The following CNTNAP3B variants were observed in gnomAD, a reference collection of about 807,000 sequenced individuals.
The protein encoded by CNTNAP3B is contactin associated protein family member 3B.
A neutral mutation model predicts 108.9 loss-of-function variants in CNTNAP3B; 25 were observed. The observed-to-expected ratio is 0.23, with a 90% CI of 0.17 to 0.32. The LOEUF is 0.32. Among genes scored for constraint, CNTNAP3B ranks in the 10% least tolerant of loss-of-function variants. The pLI is 1.00. For missense variants in CNTNAP3B, 252 were observed against 1,210.4 expected (o/e 0.21, Z 11.75); for synonymous variants, 103 against 473.4 (o/e 0.22, Z 10.16).
chr9:42,081,020 T>C (rs1319541887), intron 2 of CNTNAP3B, among the ~76,000 whole-genome samples: 59 of 81,200 alleles, frequency 7.3e-4, no homozygotes, highest in Non-Finnish European at 8.6e-4. Flanking sequence ...TCTTCTCCAC[T>C]TCACCCTCCT....
chr9:41,919,121 G>C (rs1464598949), intron 18 of CNTNAP3B, among the ~76,000 whole-genome samples: 1 of 152,148 alleles, frequency 6.6e-6, no homozygotes, highest in Non-Finnish European at 1.5e-5. Context: ...ACTAAAATCA[G>C]TCCCTTTTTC....
intron 2 of CNTNAP3B, among the ~76,000 whole-genome samples, chr9:42,096,460 G>T (rs192738929): frequency 7.2e-6 from 1 of 138,728 alleles, no homozygotes; most frequent in Non-Finnish European, 1.5e-5. Context: ...TTAATGTCTT[G>T]GTTCACAGTC....
chr9:42,121,039 G>A (rs529218588), intron 1 of CNTNAP3B, among the ~76,000 whole-genome samples: 2 of 138,782 alleles, frequency 1.4e-5, no homozygotes, highest in Admixed American at 7.1e-5. Flanking sequence ...TGGCCTCTGC[G>A]ATGCCTGCAG....
intron 3 of CNTNAP3B, among the ~76,000 whole-genome samples, chr9:42,066,249 C>T (rs1257327097): frequency 1.5e-5 from 2 of 133,786 alleles, no homozygotes; most frequent in Non-Finnish European, 3.2e-5. Flanking sequence ...TCCCATGTAG[C>T]TTGTACATTT....
intron 13 of CNTNAP3B, among the ~76,000 whole-genome samples, chr9:41,952,098 A>G (rs1824706366): frequency 6.6e-6 from 1 of 152,278 alleles, no homozygotes; most frequent in African/African-American, 2.4e-5. Context: ...GGTCTGGCAT[A>G]TTCCAGGGGC....
chr9:42,099,723 A>G lies in CNTNAP3B; in HGVS notation c.196+4906T>C, dbSNP rs1231628481. Among the ~76,000 whole-genome samples, 4 of 110,934 alleles carry G rather than the reference A, an allele frequency of 3.6e-5. 1 individual carries two copies. Among genetic ancestry groups the G allele is most frequent in the African/African-American group, 1.1e-4 (3 of 27,346 alleles). 72.8% of individuals were successfully genotyped at this position (110,934 alleles called of 152,430 possible). On this transcript the variant is annotated intron_variant, in intron 2 of 23. Transcript: ENST00000377561. ...GTTAGTTATTGTACATTCATTTTGC[A>G]ACTTTAAAAAGGAGCAATTGCAGAG...
intron 1 of CNTNAP3B, among the ~76,000 whole-genome samples, chr9:42,108,787 A>G (rs1238531242): frequency 1.4e-5 from 2 of 140,048 alleles, no homozygotes; most frequent in Non-Finnish European, 3.1e-5. Context: ...CCTGCCTGGC[A>G]TCACTCTTAG....
intron 12 of CNTNAP3B, among the ~76,000 whole-genome samples, chr9:41,956,037 T>C (rs146685076): frequency 0.029 from 4,430 of 151,762 alleles, 66 homozygotes; most frequent in African/African-American, 0.1. Flanking sequence ...TAATAAAGTG[T>C]TGAATATCTC....
chr9:41,967,846 A>C (rs1245117760), intron 10 of CNTNAP3B, among the ~76,000 whole-genome samples: 1 of 152,288 alleles, frequency 6.6e-6, no homozygotes, highest in African/African-American at 2.4e-5. Context: ...ATAATTTAAA[A>C]GTGCTTTCTT....
At chr9:42,091,956 T>TA (rs1249353978) in intron 2 of CNTNAP3B, among the ~76,000 whole-genome samples, 2 of 121,572 alleles carry the variant, frequency 1.6e-5, no homozygotes, top group Admixed American at 8.4e-5. Flanking sequence ...GTAAAATTTT[T>TA]AAAAAATCTG....
At chr9:41,943,543 G>A (rs1382540479) in intron 13 of CNTNAP3B, among the ~76,000 whole-genome samples, 1 of 151,734 alleles carries the variant, frequency 6.6e-6, no homozygotes, top group Non-Finnish European at 1.5e-5. Flanking sequence ...TAGTAGAGAC[G>A]TGGTTTCCCC....
intron 11 of CNTNAP3B, among the ~76,000 whole-genome samples, chr9:41,961,261 C>G (rs1450915614): frequency 7.2e-5 from 11 of 152,278 alleles, no homozygotes; most frequent in Non-Finnish European, 1.3e-4. Flanking sequence ...AATAGACAAT[C>G]TTTTGGCAAT....
rs1825206251 is a variant in CNTNAP3B at position 41,964,532 on chromosome 9, G to C, written c.1756+6C>G. ...GACAGAAACGAGAGGGAGGTGTGAGGCTTACAGGAATGGCAGGTCTCGCCC... is the reference window on the plus strand; with the variant it reads ...GACAGAAACGAGAGGGAGGTGTGAGCCTTACAGGAATGGCAGGTCTCGCCC... On this transcript the variant is annotated splice_donor_region_variant and intron_variant, in intron 11 of 23. Coordinates refer to ENST00000377561, the MANE Select transcript of CNTNAP3B (RefSeq NM_001201380.3). 1 of 1,516,384 alleles carries C rather than the reference G, an allele frequency of 6.6e-7. No individual in the cohort carries two copies. The allele number at this position is 1,516,384 out of a possible 1,614,324, so 93.9% of individuals were successfully genotyped here.
chr9:41,941,427 A>C (rs1824339074), intron 13 of CNTNAP3B, among the ~76,000 whole-genome samples: 1 of 151,086 alleles, frequency 6.6e-6, no homozygotes, highest in African/African-American at 2.5e-5. Context: ...ACTTCAGAAC[A>C]AAAATACTAG....
At chr9:41,961,554 A>C (rs527528936) in intron 11 of CNTNAP3B, among the ~76,000 whole-genome samples, 1 of 152,424 alleles carries the variant, frequency 6.6e-6, no homozygotes, top group Non-Finnish European at 1.5e-5. Context: ...TCCCATAAGC[A>C]TTCTGTAAAG....
chr9:41,939,497 A>C (rs879866471), intron 13 of CNTNAP3B, among the ~76,000 whole-genome samples: 1 of 144,960 alleles, frequency 6.9e-6, no homozygotes, highest in Non-Finnish European at 1.5e-5. Flanking sequence ...CCCCTCTGCC[A>C]AAAAACAAAA....
At chr9:41,929,911 A>C (rs1250781397) in intron 14 of CNTNAP3B, among the ~76,000 whole-genome samples, 1 of 152,056 alleles carries the variant, frequency 6.6e-6, no homozygotes, top group Non-Finnish European at 1.5e-5. Flanking sequence ...TTAATTCCTG[A>C]CCCGTTTGCC....
intron 1 of CNTNAP3B, among the ~76,000 whole-genome samples, chr9:42,126,811 C>T (rs1164702829): frequency 7.2e-6 from 1 of 138,144 alleles, no homozygotes; most frequent in Admixed American, 7.1e-5. Flanking sequence ...CTCAGGTGAT[C>T]CACCCACCTC....
intron 1 of CNTNAP3B, among the ~76,000 whole-genome samples, chr9:42,110,425 G>A (rs1179167884): frequency 2.2e-5 from 3 of 136,026 alleles, no homozygotes; most frequent in South Asian, 2.4e-4. Context: ...TGAGGGGACG[G>A]CACCTTAACC....
Sources: allele counts gnomAD v4.1 joint callset (sites outside exome capture counted in the v4.1 genomes callset), GRCh38; gene constraint gnomAD v4.1.1; transcripts MANE v1.5; gene names NCBI Gene and HGNC (gene_info 2026-07-23, HGNC 2026-07-21).